TRMT9B: variants seen among roughly 807,000 people sequenced by gnomAD.
The protein encoded by TRMT9B is probable tRNA methyltransferase 9B.
A neutral mutation model predicts 11.5 loss-of-function variants in TRMT9B; 16 were observed. That is an observed-to-expected ratio of 1.39 (90% CI 0.94 to 2.11). The LOEUF (loss-of-function observed/expected upper bound fraction) is 2.11. Among genes scored for constraint, TRMT9B ranks in the 30% most tolerant of loss-of-function variants. The pLI, the probability that TRMT9B is intolerant of heterozygous loss-of-function variation, is 0.00. For missense variants in TRMT9B, 941 were observed against 553.8 expected, an observed-to-expected ratio of 1.70 and a Z score of -7.02; for synonymous variants, 274 against 192.4, an observed-to-expected ratio of 1.42 and a Z score of -3.51.
chr8:13,010,732 T>G lies in TRMT9B; in HGVS notation c.155-1952T>G, dbSNP rs17123382. The stretch of plus-strand genomic sequence containing the variant: ...TTTCCCTTTCATTTCTCCTAAAGTA[T>G]CCCTCGAGCCAATGAAAAAGCAAAT... On this transcript the variant is annotated intron_variant, in intron 3 of 4. Transcript: ENST00000524591. 8.9e-3 allele frequency: 8,765 copies of G among 984,432 alleles called. 570 individuals carry two copies. The African/African-American group carries it at 0.14, about 15-fold the overall frequency. The allele number at this position is 984,432 out of a possible 1,614,324, so 61.0% of individuals were successfully genotyped here. A position where few individuals can be genotyped will look rare whatever the true frequency, so the allele number is the denominator to read the frequency against.
At chr8:12,957,039 A>T (rs938543250) in intron 1 of TRMT9B, among the ~76,000 whole-genome samples, 3 of 152,242 alleles carry the variant, frequency 2.0e-5, no homozygotes, top group African/African-American at 7.2e-5. Context: ...GGGAGTGGAT[A>T]ACAATAAGGT....
At position 12,953,544 on chromosome 8, in the gene TRMT9B, G is replaced by T. The variant is rs535488113; in HGVS notation, c.-200+7578G>T. ...TTTTTGTGTTTTTAGTAGAGAGGGG[G>T]ATTTCACCTTGTTGGCCAGGCTGGT... is the stretch of plus-strand genomic sequence containing the variant. On this transcript the variant is annotated intron_variant, in intron 1 of 4. Coordinates refer to ENST00000524591, the MANE Select transcript of TRMT9B (RefSeq NM_020844.3). Among the ~76,000 whole-genome samples, 17 of 152,190 alleles carry T rather than the reference G, an allele frequency of 1.1e-4. 1 individual carries two copies. Among genetic ancestry groups the T allele is most frequent in the South Asian group, 4.2e-4 (2 of 4,816 alleles).
In TRMT9B at chr8:12,986,522, A is replaced by G. The variant is rs1336967435; in HGVS notation, c.-199-4312A>G. Among the ~76,000 whole-genome samples, 13 of 152,350 alleles carry G rather than the reference A, an allele frequency of 8.5e-5. No individual in the cohort carries two copies. In the South Asian group the frequency reaches 2.7e-3, roughly 32 times the overall value. ...CCATTATGACATTTCAAAATCAGTTACCAGTATCTAGACCTTCTTATATCC... is the reference window on the plus strand; with the variant it reads ...CCATTATGACATTTCAAAATCAGTTGCCAGTATCTAGACCTTCTTATATCC... On this transcript the variant is annotated intron_variant, in intron 1 of 4. Coordinates refer to ENST00000524591, the MANE Select transcript of TRMT9B (RefSeq NM_020844.3).
intron 3 of TRMT9B, among the ~76,000 whole-genome samples, chr8:13,009,405 A>G (rs1480060100): frequency 6.6e-6 from 1 of 152,224 alleles, no homozygotes. Context: ...AAATGGTTCA[A>G]AATGTGTAAA....
At chr8:12,958,246 G>A (rs1300064990) in intron 1 of TRMT9B, 1 of 152,156 alleles carries the variant, frequency 6.6e-6, no homozygotes, top group African/African-American at 2.4e-5. Flanking sequence ...TCGGATACAT[G>A]GCTTGCCTCC....
At position 12,964,152 on chromosome 8, in the gene TRMT9B, C is replaced by T. The variant is rs1011990711; in HGVS notation, c.-200+18186C>T. On this transcript the variant is annotated intron_variant, in intron 1 of 4. Coordinates refer to ENST00000524591, the MANE Select transcript of TRMT9B (RefSeq NM_020844.3). ...TAAGGAAACTCAAAAAGACTCGTGT[C>T]ATTATTGTGACATTAGTTTTGTTAT... Among the ~76,000 whole-genome samples, 4 of 152,262 alleles carry T rather than the reference C, an allele frequency of 2.6e-5. No individual in the cohort carries two copies. The South Asian group carries it at 8.3e-4, about 32-fold the overall frequency.
At chr8:12,986,503 T>A (rs888879400) in intron 1 of TRMT9B, among the ~76,000 whole-genome samples, 4 of 152,256 alleles carry the variant, frequency 2.6e-5, no homozygotes, top group African/African-American at 7.2e-5. Flanking sequence ...CTGACCATTA[T>A]GACATTTCAA....
chr8:12,960,665 G>T (rs1327654252), intron 1 of TRMT9B, among the ~76,000 whole-genome samples: 2 of 152,200 alleles, frequency 1.3e-5, no homozygotes, highest in Non-Finnish European at 2.9e-5. Flanking sequence ...AAAAGACACG[G>T]TGGAACCCTA....
chr8:13,006,658 C>G (rs1036254857), intron 3 of TRMT9B: 6 of 1,351,100 alleles, frequency 4.4e-6, no homozygotes, highest in African/African-American at 4.4e-5. Flanking sequence ...AAAACTTTCT[C>G]AAACTTTTAT....
At chr8:13,002,690 A>T (rs543625672) in intron 2 of TRMT9B, among the ~76,000 whole-genome samples, 56 of 152,316 alleles carry the variant, frequency 3.7e-4, no homozygotes, top group African/African-American at 7.2e-4. Context: ...TCATTCGGTG[A>T]TACTTGTAGT....
intron 1 of TRMT9B, among the ~76,000 whole-genome samples, 188 bp downstream of exon 1, chr8:12,946,154 G>C (rs1309841737): frequency 6.6e-6 from 1 of 152,142 alleles, no homozygotes; most frequent in African/African-American, 2.4e-5. Context: ...TTTATACAAA[G>C]GTTAGTGATA....
At chr8:13,007,610 T>G (rs1225434188) in intron 3 of TRMT9B, 1 of 151,974 alleles carries the variant, frequency 6.6e-6, no homozygotes, top group Non-Finnish European at 1.5e-5. Context: ...AAATTGGGAG[T>G]CTTTGAAAAA....
chr8:13,011,440 T>G lies in TRMT9B; in HGVS notation c.155-1244T>G, dbSNP rs547460972. 9.1e-6 allele frequency: 9 copies of G among 985,358 alleles called. No individual in the cohort carries two copies. In the African/African-American group the frequency reaches 1.4e-4, roughly 15 times the overall value. The allele number at this position is 985,358 out of a possible 1,614,324, so 61.0% of individuals were successfully genotyped here. ...TTCAGAAGCAGCAAACTAATCATCT[T>G]TGAATAGTGGTAGATATCTTTTCAG... On this transcript the variant is annotated intron_variant, in intron 3 of 4. Transcript: ENST00000524591.
intron 1 of TRMT9B, among the ~76,000 whole-genome samples, chr8:12,975,182 A>G (rs948727516): frequency 1.3e-5 from 2 of 152,154 alleles, no homozygotes; most frequent in Admixed American, 6.5e-5. Flanking sequence ...ATAGAAGTAC[A>G]GATAGTTCAT....
At chr8:12,981,447 A>G (rs1398010478) in intron 1 of TRMT9B, among the ~76,000 whole-genome samples, 1 of 152,172 alleles carries the variant, frequency 6.6e-6, no homozygotes, top group African/African-American at 2.4e-5. Context: ...GGAGAGTGAT[A>G]CAATGGTGAC....
intron 3 of TRMT9B, chr8:13,011,511 C>T (rs1250858204): frequency 1.0e-6 from 1 of 963,034 alleles, no homozygotes; most frequent in Non-Finnish European, 1.2e-6. Flanking sequence ...AATATAGGCT[C>T]TAATGATTTC....
intron 1 of TRMT9B, among the ~76,000 whole-genome samples, chr8:12,954,836 C>T (rs1408700340): frequency 1.3e-5 from 2 of 152,176 alleles, no homozygotes; most frequent in African/African-American, 4.8e-5. Context: ...TCCAGAGAAA[C>T]TTCTAACCAC....
At chr8:12,981,178 C>G (rs111901030) in intron 1 of TRMT9B, among the ~76,000 whole-genome samples, 2,190 of 152,104 alleles carry the variant, frequency 0.014, 54 homozygotes, top group African/African-American at 0.05. Flanking sequence ...CACGAAGTCA[C>G]TCTGCGGATT....
At chr8:13,003,319 C>G (rs1265240341) in intron 2 of TRMT9B, among the ~76,000 whole-genome samples, 1 of 152,132 alleles carries the variant, frequency 6.6e-6, no homozygotes, top group East Asian at 1.9e-4. Flanking sequence ...GGATACCACT[C>G]ACTCACATGC....
Sources: gnomAD v4.1 joint callset for allele counts (sites outside exome capture counted in the v4.1 genomes callset) on GRCh38, gnomAD v4.1.1 for gene constraint, MANE v1.5 for transcripts, NCBI Gene and HGNC (gene_info 2026-07-23, HGNC 2026-07-21) for gene names.